SULF1: variants seen among roughly 807,000 people sequenced by gnomAD.
SULF1 encodes the protein extracellular sulfatase Sulf-1.
Under a neutral mutation model 110.5 loss-of-function variants are expected in SULF1, and 46 were observed. That is an observed-to-expected ratio of 0.42 (90% CI 0.33 to 0.53). The LOEUF is 0.53. SULF1 is among the 20% of genes least tolerant of loss of function. The probability of loss-of-function intolerance (pLI) is 0.12; values close to 1 mark genes in which losing one functional copy is unlikely to be tolerated. For synonymous variants in SULF1, 371 were observed against 387.1 expected (o/e 0.96, Z 0.49); for missense variants, 941 against 1,094.2 (o/e 0.86, Z 1.98).
intron 8 of SULF1, among the ~76,000 whole-genome samples, chr8:69,598,890 C>G (rs781026726): frequency 5.3e-5 from 8 of 152,204 alleles, no homozygotes; most frequent in Non-Finnish European, 8.8e-5. Context: ...TGTGCTGCTA[C>G]TGGGTAACCA....
At chr8:69,590,168 T>C (rs1382747229) in intron 8 of SULF1, among the ~76,000 whole-genome samples, 2 of 152,146 alleles carry the variant, frequency 1.3e-5, no homozygotes, top group African/African-American at 4.8e-5. Context: ...TATAAAATGT[T>C]CTCTTTTTTT....
intron 22 of SULF1, among the ~76,000 whole-genome samples, chr8:69,649,760 G>T (rs1369417023): frequency 6.6e-6 from 1 of 152,078 alleles, no homozygotes; most frequent in Non-Finnish European, 1.5e-5. Context: ...CTTATCAGGA[G>T]CTGCATAACA....
chr8:69,503,004 A>G (rs1276538089), intron 3 of SULF1, among the ~76,000 whole-genome samples: 1 of 152,024 alleles, frequency 6.6e-6, no homozygotes, highest in African/African-American at 2.4e-5. Flanking sequence ...TTTTTATTCT[A>G]AGCCTTCCGT....
At chr8:69,632,225 C>T (rs1171424368) in intron 19 of SULF1, among the ~76,000 whole-genome samples, 5 of 152,110 alleles carry the variant, frequency 3.3e-5, no homozygotes, top group Non-Finnish European at 7.4e-5. Context: ...CATTCAATAC[C>T]AAATTTGATG....
intron 22 of SULF1, among the ~76,000 whole-genome samples, chr8:69,646,938 ATTTTTTTTTTTT>A (rs532105097): frequency 1.0e-5 from 1 of 97,740 alleles, no homozygotes; most frequent in African/African-American, 3.9e-5. Flanking sequence ...GAGCCCTGGA[ATTTTTTTTTTTT>A]TTTTTTTTTT....
chr8:69,640,096 G>GGAGA (rs369857055), intron 21 of SULF1, among the ~76,000 whole-genome samples: 2 of 147,124 alleles, frequency 1.4e-5, no homozygotes, highest in African/African-American at 2.5e-5. Context: ...AGGGAGGGAG[G>GGAGA]GAGAGAGAGA....
intron 6 of SULF1, among the ~76,000 whole-genome samples, chr8:69,578,979 C>T (rs1316775065): frequency 2.0e-5 from 3 of 151,326 alleles, no homozygotes; most frequent in Non-Finnish European, 4.4e-5. Flanking sequence ...CTGGCTATCA[C>T]GGTGAAACTG....
At chr8:69,609,622 C>T (rs1808483377) in intron 13 of SULF1, among the ~76,000 whole-genome samples, 1 of 152,208 alleles carries the variant, frequency 6.6e-6, no homozygotes, top group African/African-American at 2.4e-5. Flanking sequence ...AAAGCCAAAA[C>T]CTGCATCTCT....
chr8:69,618,998 T>C (rs1273750699), intron 13 of SULF1, among the ~76,000 whole-genome samples: 1 of 152,244 alleles, frequency 6.6e-6, no homozygotes, highest in African/African-American at 2.4e-5. Flanking sequence ...ACCCCAAATA[T>C]GTACTGGTAT....
At chr8:69,551,110 G>A (rs931505232) in intron 3 of SULF1, among the ~76,000 whole-genome samples, 3 of 152,226 alleles carry the variant, frequency 2.0e-5, no homozygotes, top group Non-Finnish European at 4.4e-5. Flanking sequence ...GCCCACAGGG[G>A]GCGATTGGCA....
chr8:69,642,523 C>A, intron 22 of SULF1: 1 of 403,368 alleles, frequency 2.5e-6, no homozygotes, highest in Non-Finnish European at 3.4e-6. Context: ...CATCCTTGAG[C>A]TGGTCTCCCC....
rs771144179 is a variant in SULF1 at position 69,588,929 on chromosome 8, T to G, written c.565-43T>G. On this transcript the variant is annotated intron_variant, in intron 7 of 22. Transcript: ENST00000402687. ...TTATTCAAATGCGATCTGATGAATG[T>G]CACCTTTTGTAATTTTTGTTTTGTG... 8.9e-6 allele frequency: 14 copies of G among 1,580,860 alleles called. No individual in the cohort carries two copies. In the East Asian group the frequency reaches 3.2e-4, roughly 36 times the overall value.
chr8:69,628,190 G>T lies in SULF1; in HGVS notation c.2062G>T (p.Gly688Cys). ...CTGCAGCTATTACAATAAAGAGAAAGGTGTAAAAAAGCAAGAGAAATTAAA... is the reference window on the plus strand; with the variant it reads ...CTGCAGCTATTACAATAAAGAGAAATGTGTAAAAAAGCAAGAGAAATTAAA... ...SKQSYYNKEKGVKKQEKLKSH... is the reference protein window; with the variant it reads ...SKQSYYNKEKCVKKQEKLKSH... Residue 688 changes from glycine to cysteine, a missense_variant, in exon 18 of 23, where the codon GGT (glycine) becomes TGT (cysteine). By Grantham distance (159) the Gly-to-Cys change is radical. This residue lies in a region of SULF1 where 822 missense variants were observed against 934.3 expected (regional missense o/e 0.88). Transcript: ENST00000402687. 1 of 1,613,720 alleles carries T rather than the reference G, an allele frequency of 6.2e-7. No individual in the cohort carries two copies. Among genetic ancestry groups the T allele is most frequent in the Non-Finnish European group, 8.5e-7 (1 of 1,179,644 alleles).
intron 22 of SULF1, 102 bp downstream of exon 22, chr8:69,640,943 A>C: frequency 1.9e-6 from 2 of 1,070,828 alleles, no homozygotes; most frequent in East Asian, 5.2e-5. Flanking sequence ...GCACAGAGCA[A>C]AGCTGGGGGT....
rs1470957820 is a variant in SULF1 at position 69,495,852 on chromosome 8, A to G, written c.-303A>G. The G allele has an allele frequency of 1.3e-5, 2 of 152,248 alleles. No individual in the cohort carries two copies. The highest frequency in any genetic ancestry group is 4.8e-5 in the African/African-American group (2 of 41,464). 9.4% of individuals were successfully genotyped at this position (152,248 alleles called of 1,614,324 possible). A position where few individuals can be genotyped will look rare whatever the true frequency, so the allele number is the denominator to read the frequency against. On this transcript the variant is annotated 5_prime_UTR_variant, in exon 2 of 23. Transcript: ENST00000402687. ...TTACCTGGTCATTATTTAGTCTACA[A>G]TAAGTTCATCCTTCTTCAGTGTGAC...
intron 2 of SULF1, 22 bp downstream of exon 2, chr8:69,495,948 T>G (rs1039897692): frequency 1.3e-5 from 2 of 152,244 alleles, no homozygotes. Context: ...TCGCAAATTT[T>G]TTAAAGATGA....
At chr8:69,509,708 G>T (rs1373427465) in intron 3 of SULF1, among the ~76,000 whole-genome samples, 1 of 152,184 alleles carries the variant, frequency 6.6e-6, no homozygotes, top group Non-Finnish European at 1.5e-5. Context: ...GTCCATACGT[G>T]TCATGAGGCT....
At chr8:69,533,947 A>T (rs1813272505) in intron 3 of SULF1, among the ~76,000 whole-genome samples, 1 of 152,230 alleles carries the variant, frequency 6.6e-6, no homozygotes. Context: ...TCTAGAAAAA[A>T]AATTTGCAAT....
chr8:69,648,632 T>C (rs552104144), intron 22 of SULF1, among the ~76,000 whole-genome samples: 33 of 152,304 alleles, frequency 2.2e-4, no homozygotes, highest in African/African-American at 7.7e-4. Context: ...GACATTGCAC[T>C]TGTTCCTGTG....
Sources: allele counts gnomAD v4.1 joint callset (sites outside exome capture counted in the v4.1 genomes callset), GRCh38; gene constraint gnomAD v4.1.1; regional missense constraint gnomAD v4.1.1; transcripts MANE v1.5; gene names NCBI Gene and HGNC (gene_info 2026-07-23, HGNC 2026-07-21).